DCDC2: variants seen among roughly 807,000 people sequenced by gnomAD.
DCDC2 encodes doublecortin domain containing 2, also known as doublecortin domain-containing protein 2.
DCDC2 carries 40 observed loss-of-function variants against 50.2 expected under a neutral mutation model. That is an observed-to-expected ratio of 0.80 (90% CI 0.62 to 1.04). The LOEUF (loss-of-function observed/expected upper bound fraction) is 1.04, where lower values mean the gene tolerates loss of function less well. Among genes scored for constraint, DCDC2 ranks in the 50% least tolerant of loss-of-function variants. The pLI is 0.00. For synonymous variants in DCDC2, 234 were observed against 210.6 expected, an observed-to-expected ratio of 1.11 and a Z score of -0.96; for missense variants, 570 against 581.9, an observed-to-expected ratio of 0.98 and a Z score of 0.21.
chr6:24,277,125 T>G (rs1763376913), intron 7 of DCDC2, among the ~76,000 whole-genome samples: 1 of 152,220 alleles, frequency 6.6e-6, no homozygotes, highest in Non-Finnish European at 1.5e-5. Context: ...GAAGCTCATA[T>G]TAGCTCTAAT....
chr6:24,258,724 C>A (rs1006839688), intron 7 of DCDC2, among the ~76,000 whole-genome samples: 8 of 152,194 alleles, frequency 5.3e-5, no homozygotes, highest in Admixed American at 2.0e-4. Flanking sequence ...AGGTCACACA[C>A]ATAACTCTGA....
At chr6:24,270,907 T>C (rs1347121053) in intron 7 of DCDC2, among the ~76,000 whole-genome samples, 2 of 152,144 alleles carry the variant, frequency 1.3e-5, no homozygotes, top group Non-Finnish European at 2.9e-5. Context: ...ATGCATATTT[T>C]ATCTGTAGTA....
At chr6:24,224,654 G>C (rs1762190692) in intron 7 of DCDC2, among the ~76,000 whole-genome samples, 1 of 152,150 alleles carries the variant, frequency 6.6e-6, no homozygotes, top group Non-Finnish European at 1.5e-5. Flanking sequence ...CCAAGGATGA[G>C]AGGGAACCAC....
At chr6:24,369,479 G>A in the DCDC2 span, among the ~76,000 whole-genome samples, 1,110 of 151,920 alleles carry the variant, frequency 7.3e-3, 13 homozygotes, top group African/African-American at 0.025. Context: ...GCATGGTGGT[G>A]CACACCTGTA....
the DCDC2 span, among the ~76,000 whole-genome samples, chr6:24,376,021 T>A: frequency 2.6e-5 from 4 of 151,182 alleles, no homozygotes; most frequent in African/African-American, 9.8e-5. Context: ...AACTAAGGCA[T>A]CTCCTGGAAA....
chr6:24,212,743 G>A (rs569098333), intron 7 of DCDC2, among the ~76,000 whole-genome samples: 14 of 151,988 alleles, frequency 9.2e-5, no homozygotes, highest in South Asian at 4.2e-4. Context: ...TATATTACAC[G>A]GTAAAGCCAT....
At chr6:24,327,081 G>A (rs369401660) in intron 2 of DCDC2, among the ~76,000 whole-genome samples, 51 of 149,182 alleles carry the variant, frequency 3.4e-4, no homozygotes, top group African/African-American at 1.2e-3. Context: ...CCATGAACAA[G>A]TCAGTCAGGG....
chr6:24,234,246 C>T (rs1417765388), intron 7 of DCDC2, among the ~76,000 whole-genome samples: 1 of 150,644 alleles, frequency 6.6e-6, no homozygotes, highest in Non-Finnish European at 1.5e-5. Flanking sequence ...AAAAAAAAAT[C>T]GCACGGGGCA....
chr6:24,242,906 G>A (rs1432249923), intron 7 of DCDC2, among the ~76,000 whole-genome samples: 1 of 151,862 alleles, frequency 6.6e-6, no homozygotes, highest in Non-Finnish European at 1.5e-5. Context: ...AAGTTGCAGT[G>A]AGCCGAGATC....
At chr6:24,291,777 G>A (rs975647806) in intron 4 of DCDC2, among the ~76,000 whole-genome samples, 13 of 152,116 alleles carry the variant, frequency 8.5e-5, no homozygotes, top group Admixed American at 3.3e-4. Context: ...GAGCCACCGC[G>A]CCCGGCCTTG....
chr6:24,258,579 C>T (rs1417414), intron 7 of DCDC2, among the ~76,000 whole-genome samples: 10,742 of 152,226 alleles, frequency 0.071, 635 homozygotes, highest in East Asian at 0.25. Context: ...GCTGGCTTCA[C>T]CTCTCCGTAG....
At position 24,331,037 on chromosome 6, in the gene DCDC2, G is replaced by T. The variant is rs1484530843; in HGVS notation, c.348+22532C>A. 2.4e-4 allele frequency among the ~76,000 whole-genome samples: 37 copies of T among 152,122 alleles called. 1 individual carries two copies. ...TCCCTGTTCCTTCCAGGATGATAAA[G>T]ATATATATTTGCTTTCTTTTGTTTC... On this transcript the variant is annotated intron_variant, in intron 2 of 9. Transcript: ENST00000378454.
At chr6:24,299,629 T>C (rs189682006) in intron 4 of DCDC2, among the ~76,000 whole-genome samples, 2 of 152,308 alleles carry the variant, frequency 1.3e-5, no homozygotes, top group African/African-American at 2.4e-5. Context: ...ATAGAATACT[T>C]TGGGCCAGTC....
rs1760802416 is a variant in DCDC2, at chr6:24,172,553, A to G, written c.*2177T>C. The G allele has an allele frequency of 6.6e-6, 1 of 152,182 alleles. No individual in the cohort carries two copies. The highest frequency in any genetic ancestry group is 2.4e-5 in the African/African-American group (1 of 41,424). The allele number at this position is 152,182 out of a possible 1,614,324, so 9.4% of individuals were successfully genotyped here. ...AGAAATATTTTTATTAGAGGAGGAA[A>G]AGAGAAAGAGAAACTCTCCATTGAA... On this transcript the variant is annotated 3_prime_UTR_variant, in exon 10 of 10. Transcript: ENST00000378454.
upstream of DCDC2, among the ~76,000 whole-genome samples, chr6:24,358,914 A>ATATATTATATATTATATATAT (rs1461313525): frequency 8.1e-4 from 29 of 35,978 alleles, 1 homozygote; most frequent in African/African-American, 3.7e-3. Flanking sequence ...ATTATATATT[A>ATATATTATATATTATATATAT]TATATATTAT....
chr6:24,341,013 A>G (rs562364210), intron 2 of DCDC2, among the ~76,000 whole-genome samples: 27 of 152,242 alleles, frequency 1.8e-4, no homozygotes, highest in Non-Finnish European at 2.8e-4. Context: ...GGCGTGAGCC[A>G]TGGAACCTGG....
intron 7 of DCDC2, among the ~76,000 whole-genome samples, chr6:24,219,862 G>A (rs1449343261): frequency 6.6e-6 from 1 of 152,192 alleles, no homozygotes; most frequent in Non-Finnish European, 1.5e-5. Context: ...CTGAACAAGG[G>A]GTGAAGGAGT....
intron 8 of DCDC2, among the ~76,000 whole-genome samples, chr6:24,191,512 T>C (rs939583263): frequency 6.6e-6 from 1 of 152,108 alleles, no homozygotes; most frequent in African/African-American, 2.4e-5. Flanking sequence ...AAACAGATGA[T>C]AGGCATAGGG....
At chr6:24,340,469 T>C (rs533710049) in intron 2 of DCDC2, among the ~76,000 whole-genome samples, 23 of 152,272 alleles carry the variant, frequency 1.5e-4, no homozygotes, top group African/African-American at 5.1e-4. Context: ...CAAAACAAGC[T>C]ATGCATTTGC....
Sources: gnomAD v4.1 joint callset for allele counts (sites outside exome capture counted in the v4.1 genomes callset) on GRCh38, gnomAD v4.1.1 for gene constraint, MANE v1.5 for transcripts, NCBI Gene and HGNC (gene_info 2026-07-23, HGNC 2026-07-21) for gene names.